Variants in DOCK1 observed in about 807,000 individuals in gnomAD.
DOCK1 encodes dedicator of cytokinesis protein 1.
DOCK1 carries 138 observed loss-of-function variants against 262.7 expected under a neutral mutation model. That is an observed-to-expected ratio of 0.53 (90% CI 0.46 to 0.61). DOCK1 has a LOEUF of 0.61. Ranked by LOEUF, DOCK1 falls within the 20% of genes least tolerant of loss-of-function variation. The pLI, the probability that DOCK1 is intolerant of heterozygous loss-of-function variation, is 0.00. For synonymous variants in DOCK1, 866 were observed against 867.4 expected (o/e 1.00, Z 0.03); for missense variants, 1,908 against 2,370.7 (o/e 0.80, Z 4.05).
At chr10:127,081,224 G>T (rs60526703) in intron 23 of DOCK1, among the ~76,000 whole-genome samples, 2,959 of 152,124 alleles carry the variant, frequency 0.019, 89 homozygotes, top group African/African-American at 0.063. Flanking sequence ...TATCTGATTT[G>T]GAACATTCCA....
At chr10:127,204,972 C>A (rs2057647209) in intron 27 of DOCK1, among the ~76,000 whole-genome samples, 1 of 152,112 alleles carries the variant, frequency 6.6e-6, no homozygotes, top group African/African-American at 2.4e-5. Context: ...AATAAAGTTA[C>A]CCTTTCATTA....
chr10:127,306,847 T>C (rs2061895660), intron 29 of DOCK1, among the ~76,000 whole-genome samples: 1 of 152,152 alleles, frequency 6.6e-6, no homozygotes, highest in Admixed American at 6.5e-5. Context: ...AGTCTTGATT[T>C]CTTAAAAGGA....
At chr10:126,963,579 C>CCTT (rs1466140304) in intron 1 of DOCK1, among the ~76,000 whole-genome samples, 2 of 120,464 alleles carry the variant, frequency 1.7e-5, no homozygotes, top group African/African-American at 6.4e-5. Context: ...CCCTCTCCTT[C>CCTT]CCTCCCTTCC....
intron 27 of DOCK1, among the ~76,000 whole-genome samples, chr10:127,245,533 C>T (rs910044524): frequency 6.6e-6 from 1 of 152,198 alleles, no homozygotes; most frequent in African/African-American, 2.4e-5. Context: ...CATTTACATC[C>T]TCCCAGGACT....
intron 27 of DOCK1, among the ~76,000 whole-genome samples, chr10:127,134,488 C>T (rs1485914933): frequency 2.0e-5 from 3 of 152,102 alleles, no homozygotes; most frequent in African/African-American, 2.4e-5. Context: ...GCTGGAGGGT[C>T]AGAGATTGAA....
At chr10:127,351,770 G>A (rs2063891561) in intron 31 of DOCK1, among the ~76,000 whole-genome samples, 1 of 152,058 alleles carries the variant, frequency 6.6e-6, no homozygotes, top group Admixed American at 6.5e-5. Context: ...TTGAGGTCTG[G>A]TGACAGCTGT....
At position 126,995,884 on chromosome 10, in the gene DOCK1, G is replaced by A. The variant is rs1014973884; in HGVS notation, c.474-864G>A. Among the ~76,000 whole-genome samples the A allele has an allele frequency of 2.6e-5, 4 of 152,158 alleles. No individual in the cohort carries two copies. The highest frequency in any genetic ancestry group is 2.1e-4 in the South Asian group (1 of 4,828). ...TTCCTGTGGCCTCATGTAAGGACTC[G>A]AAGTAGAAGGGGAGACATGCAGGGA... On this transcript the variant is annotated intron_variant, in intron 6 of 51. Transcript: ENST00000623213. This position sits in a 1 kb window ranked among gnomAD's most constrained non-coding sequence, Gnocchi z 5.8.
intron 43 of DOCK1, among the ~76,000 whole-genome samples, chr10:127,413,280 A>G (rs886904971): frequency 1.3e-5 from 2 of 152,220 alleles, no homozygotes; most frequent in East Asian, 3.8e-4. Context: ...ATTTTGAGCT[A>G]TGCTGAGCCT....
At chr10:127,062,769 T>G (rs905079357) in intron 23 of DOCK1, among the ~76,000 whole-genome samples, 1 of 152,236 alleles carries the variant, frequency 6.6e-6, no homozygotes, top group African/African-American at 2.4e-5. Context: ...GAGAATCATG[T>G]TTTACACCTA....
At chr10:127,122,260 G>T (rs150325157) in intron 25 of DOCK1, among the ~76,000 whole-genome samples, 1 of 152,132 alleles carries the variant, frequency 6.6e-6, no homozygotes, top group African/African-American at 2.4e-5. Flanking sequence ...GGTGACGGAC[G>T]GTACTGTAAG....
intron 1 of DOCK1, among the ~76,000 whole-genome samples, chr10:126,918,341 G>A (rs866828098): frequency 2.0e-5 from 3 of 152,364 alleles, no homozygotes; most frequent in Middle Eastern, 3.4e-3. Context: ...CTTGCATGCC[G>A]CTGCCGCTGC....
At chr10:127,296,462 T>C (rs1021808635) in intron 29 of DOCK1, among the ~76,000 whole-genome samples, 4 of 152,080 alleles carry the variant, frequency 2.6e-5, no homozygotes, top group Non-Finnish European at 5.9e-5. Flanking sequence ...AGCAGTGGGG[T>C]TTGCTCTTCT....
chr10:127,411,498 A>G (rs557856962), intron 43 of DOCK1, among the ~76,000 whole-genome samples: 1 of 152,176 alleles, frequency 6.6e-6, no homozygotes, highest in African/African-American at 2.4e-5. Context: ...ATCCCTGAAC[A>G]CTGCCTACTA....
chr10:127,224,256 A>G (rs2134469391), intron 27 of DOCK1, among the ~76,000 whole-genome samples: 1 of 152,280 alleles, frequency 6.6e-6, no homozygotes, highest in African/African-American at 2.4e-5. Context: ...ATGGAGAATG[A>G]CTATTTAGAA....
intron 29 of DOCK1, among the ~76,000 whole-genome samples, chr10:127,268,597 C>T (rs972087299): frequency 6.6e-6 from 1 of 151,938 alleles, no homozygotes; most frequent in South Asian, 2.1e-4. Context: ...CATTTCTCAG[C>T]CACCCTTCTC....
intron 46 of DOCK1, among the ~76,000 whole-genome samples, chr10:127,420,896 A>G (rs972218806): frequency 8.5e-6 from 1 of 117,228 alleles, no homozygotes; most frequent in Non-Finnish European, 1.9e-5. Flanking sequence ...CACCGTGAGC[A>G]GTTTATTTGT....
At chr10:126,991,069 A>C (rs1443879677) in intron 6 of DOCK1, among the ~76,000 whole-genome samples, 2 of 152,252 alleles carry the variant, frequency 1.3e-5, no homozygotes, top group African/African-American at 4.8e-5. Flanking sequence ...TTTCACAAAC[A>C]GAAATACAGC....
At position 127,248,182 on chromosome 10, in the gene DOCK1, A is replaced by G. The variant is rs944675020; in HGVS notation, c.2949+73A>G. The G allele has an allele frequency of 1.6e-5, 20 of 1,263,890 alleles. No homozygotes were observed. In the Admixed American group the frequency reaches 2.1e-4, roughly 13 times the overall value. The allele number at this position is 1,263,890 out of a possible 1,614,324, so 78.3% of individuals were successfully genotyped here. ...CACTTTAGACAAAAGCCTGATATCAATATATTCATTTAAAATAGGATTTTG... is the reference window on the plus strand; with the variant it reads ...CACTTTAGACAAAAGCCTGATATCAGTATATTCATTTAAAATAGGATTTTG... On this transcript the variant is annotated intron_variant, in intron 28 of 51. Transcript: ENST00000623213.
At chr10:127,153,812 C>T (rs763473458) in intron 27 of DOCK1, 1 of 1,465,600 alleles carries the variant, frequency 6.8e-7, no homozygotes, top group Admixed American at 1.7e-5. Flanking sequence ...TCATTTGTCA[C>T]TCATAATAAG....
Sources: allele counts gnomAD v4.1 joint callset (sites outside exome capture counted in the v4.1 genomes callset), GRCh38; gene constraint gnomAD v4.1.1; non-coding constraint Gnocchi (gnomAD v3.1); transcripts MANE v1.5; gene names NCBI Gene and HGNC (gene_info 2026-07-23, HGNC 2026-07-21).